LINC01488: variants seen among roughly 807,000 people sequenced by gnomAD.
The protein encoded by LINC01488 is long independently transcribed non-coding RNA 1488.
chr11:69,483,385 C>G (rs779640555), intron 1 of LINC01488, among the ~76,000 whole-genome samples: 23 of 152,206 alleles, frequency 1.5e-4, no homozygotes, highest in Non-Finnish European at 2.9e-4. Flanking sequence ...CCTCTCTGGA[C>G]TTCAGGTTCC....
intron 1 of LINC01488, among the ~76,000 whole-genome samples, chr11:69,482,061 G>A (rs932974286): frequency 6.6e-6 from 1 of 152,046 alleles, no homozygotes; most frequent in South Asian, 2.1e-4. Context: ...TTCTCATGCT[G>A]CTAACAAAGA....
rs937593006 is a variant in LINC01488, at chr11:69,489,478, C to G, written n.123-1017C>G. ...GCATGCAGGGACCCCAAACCTCCAG[C>G]GCGAAATCACTAAAATAGCCAGCAG... On this transcript the variant is annotated intron_variant and non_coding_transcript_variant, in intron 1 of 3. Coordinates refer to ENST00000644563, the Ensembl canonical transcript of LINC01488. Among the ~76,000 whole-genome samples the G allele has an allele frequency of 3.3e-5, 5 of 152,338 alleles. No homozygotes were observed. In the South Asian group the frequency reaches 1.0e-3, roughly 32 times the overall value.
At chr11:69,485,136 T>C (rs1354170064) in intron 1 of LINC01488, among the ~76,000 whole-genome samples, 1 of 152,142 alleles carries the variant, frequency 6.6e-6, no homozygotes, top group Non-Finnish European at 1.5e-5. Context: ...TCAGGTGCTT[T>C]GCAGGCTAAA....
chr11:69,486,313 T>C (rs1169861307), intron 1 of LINC01488, among the ~76,000 whole-genome samples: 2 of 151,874 alleles, frequency 1.3e-5, no homozygotes, highest in African/African-American at 4.8e-5. Flanking sequence ...CAGCCCTAGA[T>C]ATTAGCTAGC....
chr11:69,488,201 C>T (rs1857155246), intron 1 of LINC01488: 1 of 152,496 alleles, frequency 6.6e-6, no homozygotes, highest in Non-Finnish European at 1.5e-5. Flanking sequence ...CATGATGCAT[C>T]CCAGGCCTCT....
rs961264891 is a variant in LINC01488, at chr11:69,488,864, G to A, written n.123-1631G>A. Among the ~76,000 whole-genome samples, 4 of 152,322 alleles carry A rather than the reference G, an allele frequency of 2.6e-5. No individual in the cohort carries two copies. In the East Asian group the frequency reaches 7.7e-4, roughly 29 times the overall value. On this transcript the variant is annotated intron_variant and non_coding_transcript_variant, in intron 1 of 3. Coordinates refer to ENST00000644563, the Ensembl canonical transcript of LINC01488. ...GCCCAGGCTTGGGAGGGTGAGGCCAGCCTGGCCCAGCCCTGCACAGCCGTA... is the reference window on the plus strand; with the variant it reads ...GCCCAGGCTTGGGAGGGTGAGGCCAACCTGGCCCAGCCCTGCACAGCCGTA...
At chr11:69,483,772 G>A (rs1447447186) in intron 1 of LINC01488, among the ~76,000 whole-genome samples, 1 of 152,170 alleles carries the variant, frequency 6.6e-6, no homozygotes, top group Non-Finnish European at 1.5e-5. Context: ...TACAGCATTT[G>A]TTGGAGCATA....
intron 1 of LINC01488, among the ~76,000 whole-genome samples, chr11:69,485,317 G>T (rs567518387): frequency 8.5e-5 from 13 of 152,326 alleles, no homozygotes; most frequent in African/African-American, 3.1e-4. Context: ...GAGGTCAGCT[G>T]GAGGGGAGAA....
chr11:69,487,518 G>T (rs768712925), intron 1 of LINC01488, among the ~76,000 whole-genome samples: 8 of 152,254 alleles, frequency 5.3e-5, no homozygotes, highest in African/African-American at 9.6e-5. Context: ...CCTCCGCCCT[G>T]TCCTCAGGAA....
intron 1 of LINC01488, among the ~76,000 whole-genome samples, chr11:69,482,553 G>GC (rs1857059166): frequency 7.0e-6 from 1 of 142,998 alleles, no homozygotes; most frequent in Non-Finnish European, 1.5e-5. Context: ...GTGGATGGAT[G>GC]AGTAGGTGGA....
intron 1 of LINC01488, among the ~76,000 whole-genome samples, chr11:69,487,526 G>T (rs1170959946): frequency 2.6e-5 from 4 of 152,238 alleles, no homozygotes; most frequent in Non-Finnish European, 5.9e-5. Flanking sequence ...CTGTCCTCAG[G>T]AAGGGGCCGT....
chr11:69,489,865 ACT>A (rs1857191052), intron 1 of LINC01488, among the ~76,000 whole-genome samples: 2 of 151,874 alleles, frequency 1.3e-5, no homozygotes, highest in South Asian at 4.2e-4. Flanking sequence ...CCATCCCGAC[ACT>A]CTCAGCGGGT....
At chr11:69,486,269 G>T (rs1027197081) in intron 1 of LINC01488, 3 of 152,286 alleles carry the variant, frequency 2.0e-5, no homozygotes, top group African/African-American at 7.2e-5. Flanking sequence ...CCTGCCCGTG[G>T]AGGGGTCTGT....
At chr11:69,487,222 C>T (rs571479058) in intron 1 of LINC01488, among the ~76,000 whole-genome samples, 3 of 152,078 alleles carry the variant, frequency 2.0e-5, no homozygotes, top group Non-Finnish European at 2.9e-5. Flanking sequence ...AAGAGAGTAG[C>T]GGGAGGGAGG....
intron 1 of LINC01488, among the ~76,000 whole-genome samples, chr11:69,489,715 A>G (rs1348828870): frequency 6.6e-6 from 1 of 152,208 alleles, no homozygotes; most frequent in Non-Finnish European, 1.5e-5. Flanking sequence ...TTGCAAAATC[A>G]AAAAGGCACA....
chr11:69,487,700 G>C (rs2134971265), intron 1 of LINC01488, among the ~76,000 whole-genome samples: 1 of 152,246 alleles, frequency 6.6e-6, no homozygotes, highest in East Asian at 1.9e-4. Context: ...GGTGTGGGTG[G>C]GTGTCTCTTG....
chr11:69,483,866 G>A (rs531676279), intron 1 of LINC01488, among the ~76,000 whole-genome samples: 3 of 152,248 alleles, frequency 2.0e-5, no homozygotes, highest in African/African-American at 4.8e-5. Flanking sequence ...GCCGAGGCGG[G>A]TGCCTCCCGG....
chr11:69,483,192 C>T (rs994763096), intron 1 of LINC01488, among the ~76,000 whole-genome samples: 1 of 152,216 alleles, frequency 6.6e-6, no homozygotes, highest in Non-Finnish European at 1.5e-5. Context: ...CAGCCATCTG[C>T]TTTTCCACGG....
chr11:69,488,887 G>A (rs1336493790), intron 1 of LINC01488, among the ~76,000 whole-genome samples: 22 of 152,198 alleles, frequency 1.4e-4, no homozygotes, highest in Admixed American at 5.2e-4. Context: ...CTGCACAGCC[G>A]TAGCCTTGAC....
Sources: gnomAD v4.1 joint callset for allele counts (sites outside exome capture counted in the v4.1 genomes callset) on GRCh38, gnomAD v4.1.1 for gene constraint, MANE v1.5 for transcripts, NCBI Gene and HGNC (gene_info 2026-07-23, HGNC 2026-07-21) for gene names.